The following TAFA1 variants were observed in gnomAD, a reference collection of about 807,000 sequenced individuals.
TAFA1 encodes the protein TAFA chemokine like family member 1, also known as chemokine-like protein TAFA-1.
In TAFA1, 4 loss-of-function variants were observed where a neutral mutation model predicts 18.5. That is an observed-to-expected ratio of 0.22 (90% CI 0.11 to 0.49). The LOEUF (loss-of-function observed/expected upper bound fraction) is 0.49, where lower values mean the gene tolerates loss of function less well. TAFA1 is among the 20% of genes least tolerant of loss of function. The pLI is 0.98. For synonymous variants in TAFA1, 56 were observed against 55.2 expected (o/e 1.01, Z -0.06); for missense variants, 147 against 169.0 (o/e 0.87, Z 0.72).
chr3:68,533,855 G>A lies in TAFA1; in HGVS notation c.260-4901G>A, dbSNP rs566272489. Among the ~76,000 whole-genome samples, 8 of 152,128 alleles carry A rather than the reference G, an allele frequency of 5.3e-5. No individual in the cohort carries two copies. In the South Asian group the frequency reaches 1.7e-3, roughly 32 times the overall value. ...TTCGCAAGCTTTACTTTTCCCTTTG[G>A]CATAGTGAGTTTGTGGTCCTGAGAT... On this transcript the variant is annotated intron_variant, in intron 3 of 4. Coordinates refer to ENST00000478136, the MANE Select transcript of TAFA1 (RefSeq NM_213609.4).
At position 68,109,736 on chromosome 3, in the gene TAFA1, A is replaced by T. The variant is rs553603997; in HGVS notation, c.118+102992A>T. 2.0e-5 allele frequency among the ~76,000 whole-genome samples: 3 copies of T among 152,212 alleles called. No individual in the cohort carries two copies. In the South Asian group the frequency reaches 6.2e-4, roughly 32 times the overall value. On this transcript the variant is annotated intron_variant, in intron 2 of 4. Transcript: ENST00000478136. ...ATAAAGGAAACTATGAGTACAAATA[A>T]ACTAAGGAAGGAACTAATTTGGTTT...
chr3:68,010,735 G>A (rs1373199584), intron 2 of TAFA1, among the ~76,000 whole-genome samples: 1 of 152,182 alleles, frequency 6.6e-6, no homozygotes, highest in Non-Finnish European at 1.5e-5. Flanking sequence ...AGTAAAATGT[G>A]CTGTAGATTA....
chr3:68,027,672 C>T (rs747826443), intron 2 of TAFA1, among the ~76,000 whole-genome samples: 7 of 152,142 alleles, frequency 4.6e-5, no homozygotes, highest in Non-Finnish European at 1.0e-4. Flanking sequence ...CTATTTGATC[C>T]TAAGTGTGGA....
At chr3:68,506,549 G>A (rs753028865) in intron 3 of TAFA1, among the ~76,000 whole-genome samples, 2 of 152,084 alleles carry the variant, frequency 1.3e-5, no homozygotes, top group Non-Finnish European at 2.9e-5. Context: ...GAAAGCTGGT[G>A]GAAACACTGT....
At chr3:68,105,128 A>T (rs1417888823) in intron 2 of TAFA1, among the ~76,000 whole-genome samples, 1 of 152,118 alleles carries the variant, frequency 6.6e-6, no homozygotes, top group Non-Finnish European at 1.5e-5. Context: ...TCTTCATAGG[A>T]TGAGAACTCA....
At chr3:68,501,927 T>A (rs2072665402) in intron 3 of TAFA1, among the ~76,000 whole-genome samples, 1 of 152,106 alleles carries the variant, frequency 6.6e-6, no homozygotes, top group Non-Finnish European at 1.5e-5. Flanking sequence ...GCCAAGGCCC[T>A]CTGGCAGGAA....
At chr3:68,203,158 T>G (rs1200061145) in intron 2 of TAFA1, among the ~76,000 whole-genome samples, 1 of 151,778 alleles carries the variant, frequency 6.6e-6, no homozygotes, top group Non-Finnish European at 1.5e-5. Flanking sequence ...GAAGGGAAGT[T>G]GGTATAATTC....
intron 2 of TAFA1, among the ~76,000 whole-genome samples, chr3:68,109,896 G>C (rs1034344146): frequency 2.6e-5 from 4 of 152,204 alleles, no homozygotes; most frequent in African/African-American, 9.6e-5. Flanking sequence ...GAAGCTGTTA[G>C]AGATTTTTAA....
At chr3:68,405,699 CAAAAAAAAAAAAAAA>C (rs56258198) in intron 2 of TAFA1, among the ~76,000 whole-genome samples, 25 of 32,844 alleles carry the variant, frequency 7.6e-4, no homozygotes, top group African/African-American at 1.3e-3. Context: ...GACTCTATCT[CAAAAAAAAAAAAAAA>C]AAAAAAAAAA....
chr3:68,195,952 A>G (rs1309902870), intron 2 of TAFA1, among the ~76,000 whole-genome samples: 1 of 151,684 alleles, frequency 6.6e-6, no homozygotes, highest in Non-Finnish European at 1.5e-5. Flanking sequence ...TGTCACTTAT[A>G]ATGTACATAT....
In TAFA1 at chr3:68,486,102, GTTTTATTTTATTTTA is replaced by G. The variant is rs528561242; in HGVS notation, c.260-52624_260-52610del. ...ATTTTATTTTATTTTATTTTATTTT[GTTTTATTTTATTTTA>G]TTTTATTTTATTTTATTTTATTTTA... On this transcript the variant is annotated intron_variant, in intron 3 of 4. Coordinates refer to ENST00000478136, the MANE Select transcript of TAFA1 (RefSeq NM_213609.4). Among the ~76,000 whole-genome samples, 8 of 121,328 alleles carry G rather than the reference GTTTTATTTTATTTTA, an allele frequency of 6.6e-5. 1 individual carries two copies. Among genetic ancestry groups the G allele is most frequent in the South Asian group, 5.4e-4 (2 of 3,696 alleles). 79.6% of individuals were successfully genotyped at this position (121,328 alleles called of 152,430 possible). A position where few individuals can be genotyped will look rare whatever the true frequency, so the allele number is the denominator to read the frequency against.
intron 2 of TAFA1, among the ~76,000 whole-genome samples, chr3:68,181,240 C>G (rs950118038): frequency 2.6e-5 from 4 of 152,092 alleles, no homozygotes; most frequent in Admixed American, 1.3e-4. Context: ...GGGGACCCAG[C>G]CAAATTGTGC....
intron 3 of TAFA1, among the ~76,000 whole-genome samples, chr3:68,466,488 T>G (rs2071886865): frequency 6.6e-6 from 1 of 152,160 alleles, no homozygotes; most frequent in Non-Finnish European, 1.5e-5. Context: ...TCTCCACTTT[T>G]CAAGTGTTCA....
At chr3:68,473,440 A>G (rs1490907970) in intron 3 of TAFA1, among the ~76,000 whole-genome samples, 3 of 152,182 alleles carry the variant, frequency 2.0e-5, no homozygotes, top group African/African-American at 7.2e-5. Context: ...AACTTGCTAC[A>G]TGGGATTCTT....
At chr3:68,082,802 C>T (rs1280632913) in intron 2 of TAFA1, among the ~76,000 whole-genome samples, 1 of 152,132 alleles carries the variant, frequency 6.6e-6, no homozygotes, top group Non-Finnish European at 1.5e-5. Context: ...GTTTCAGCTA[C>T]TTTGGAGGCA....
Position 68,311,364 on chromosome 3 carries a change from C to T in TAFA1, c.119-105916C>T, listed in dbSNP as rs547024222. 1.9e-4 allele frequency among the ~76,000 whole-genome samples: 29 copies of T among 152,250 alleles called. 1 individual carries two copies. The highest frequency in any genetic ancestry group is 1.6e-3 in the Admixed American group (25 of 15,296). ...CTCCGAAAGTGTCAATTCATTTCAG[C>T]ATTTACTCAAAAGTCCATAGTCCAA... On this transcript the variant is annotated intron_variant, in intron 2 of 4. Transcript: ENST00000478136.
At chr3:68,205,304 C>T (rs560654362) in intron 2 of TAFA1, among the ~76,000 whole-genome samples, 1 of 151,830 alleles carries the variant, frequency 6.6e-6, no homozygotes, top group African/African-American at 2.4e-5. Flanking sequence ...CATTTCAGAA[C>T]CCCTCTTAAC....
intron 2 of TAFA1, among the ~76,000 whole-genome samples, chr3:68,038,865 A>T (rs1470770600): frequency 6.6e-6 from 1 of 152,200 alleles, no homozygotes; most frequent in African/African-American, 2.4e-5. Context: ...TTTACAATGC[A>T]TAACTCTATG....
intron 2 of TAFA1, among the ~76,000 whole-genome samples, chr3:68,206,725 C>A (rs1431837295): frequency 1.3e-5 from 2 of 151,922 alleles, no homozygotes; most frequent in African/African-American, 4.8e-5. Context: ...GCTTCTGATT[C>A]ACATTCTATC....
Sources: gnomAD v4.1 joint callset for allele counts (sites outside exome capture counted in the v4.1 genomes callset) on GRCh38, gnomAD v4.1.1 for gene constraint, MANE v1.5 for transcripts, NCBI Gene and HGNC (gene_info 2026-07-23, HGNC 2026-07-21) for gene names.